Variants in CTIF observed in about 807,000 individuals in gnomAD.
CTIF encodes the protein cap binding complex dependent translation initiation factor.
Under a neutral mutation model 66.0 loss-of-function variants are expected in CTIF, and 21 were observed. The ratio of observed to expected loss-of-function variants is 0.32; its 90% CI spans 0.23 to 0.46. The LOEUF is 0.46. Ranked by LOEUF, CTIF falls within the 20% of genes least tolerant of loss-of-function variation. The probability of loss-of-function intolerance (pLI) is 1.00; values close to 1 mark genes in which losing one functional copy is unlikely to be tolerated. For missense variants in CTIF, 739 were observed against 812.7 expected (o/e 0.91, Z 1.10); for synonymous variants, 345 against 326.4 (o/e 1.06, Z -0.62).
At chr18:48,725,813 T>C (rs568496423) in intron 7 of CTIF, among the ~76,000 whole-genome samples, 2 of 152,254 alleles carry the variant, frequency 1.3e-5, no homozygotes, top group South Asian at 4.1e-4. Context: ...TCAAGGCAGA[T>C]TTTTTTGCTC....
intron 2 of CTIF, among the ~76,000 whole-genome samples, chr18:48,627,994 G>A (rs917051978): frequency 1.3e-5 from 2 of 152,142 alleles, no homozygotes; most frequent in Admixed American, 6.5e-5. Context: ...CCAGGAAGCC[G>A]TCTCCTTGCT....
intron 3 of CTIF, among the ~76,000 whole-genome samples, chr18:48,645,959 ACT>A (rs2091023376): frequency 6.6e-6 from 1 of 152,116 alleles, no homozygotes; most frequent in African/African-American, 2.4e-5. Context: ...TTTAAATATG[ACT>A]CTCTCATGAG....
chr18:48,561,134 G>T (rs1485715729), intron 1 of CTIF, among the ~76,000 whole-genome samples: 1 of 151,544 alleles, frequency 6.6e-6, no homozygotes, highest in Admixed American at 6.6e-5. Flanking sequence ...AGCTACATGG[G>T]AGGCTGAGGC....
At chr18:48,760,311 C>T (rs756917574) in intron 8 of CTIF, 3 of 152,132 alleles carry the variant, frequency 2.0e-5, no homozygotes, top group Non-Finnish European at 4.4e-5. Context: ...CCTCAGCCTC[C>T]TGAGTGTTTG....
At chr18:48,732,199 G>A (rs2092462850) in intron 7 of CTIF, among the ~76,000 whole-genome samples, 1 of 152,218 alleles carries the variant, frequency 6.6e-6, no homozygotes, top group African/African-American at 2.4e-5. Flanking sequence ...CATTCCCTGG[G>A]GTACGTTTTG....
chr18:48,659,965 G>T (rs1031250294), intron 3 of CTIF, among the ~76,000 whole-genome samples: 3 of 151,992 alleles, frequency 2.0e-5, no homozygotes, highest in African/African-American at 7.3e-5. Flanking sequence ...GGAGTTGTGG[G>T]GATTCAATGA....
At chr18:48,581,010 G>A (rs1032425870) in intron 1 of CTIF, among the ~76,000 whole-genome samples, 4 of 152,202 alleles carry the variant, frequency 2.6e-5, no homozygotes, top group South Asian at 2.1e-4. Flanking sequence ...AGTACTGCCC[G>A]GGGGCTGTCT....
Position 48,670,691 on chromosome 18 carries a change from G to A in CTIF, c.454G>A (p.Asp152Asn). The change falls in exon 6 of 12, where the codon GAT becomes AAT. Residue 152 changes from aspartate to asparagine, a missense_variant. Physicochemically the swap from Asp to Asn is conservative, Grantham distance 23. Coordinates refer to ENST00000256413, the MANE Select transcript of CTIF (RefSeq NM_014772.3). ...REGCGKGKLE[D>N]GDGINLNDIE... ...CAGGTGTGGCAAAGGGAAGCTGGAA[G>A]ATGGGGATGGCATCAACCTGAATGA... 6.2e-7 allele frequency: 1 copy of A among 1,614,146 alleles called. No individual in the cohort carries two copies. Among genetic ancestry groups the A allele is most frequent in the East Asian group, 2.2e-5 (1 of 44,888 alleles).
rs565810217 is a variant in CTIF at position 48,772,216 on chromosome 18, A to G, written c.1371+10527A>G. Among the ~76,000 whole-genome samples the G allele has an allele frequency of 2.0e-5, 3 of 152,308 alleles. No homozygotes were observed. The South Asian group carries it at 6.2e-4, about 32-fold the overall frequency. On this transcript the variant is annotated intron_variant, in intron 9 of 11. Coordinates refer to ENST00000256413, the MANE Select transcript of CTIF (RefSeq NM_014772.3). ...TGCCCCAGTATTATAGCAAGAAGAG[A>G]GCTAAACCTAGCGGGAGGGAGTGGC...
In CTIF at chr18:48,639,513, C is replaced by T. The variant is rs547449505; in HGVS notation, c.252+2828C>T. Reference sequence around the variant, plus strand: ...GGAGTTGCACCTCCTGGATGGATGGCCAAGGTTCAGACCTGGGTGCTGCAG... The same window carrying T: ...GGAGTTGCACCTCCTGGATGGATGGTCAAGGTTCAGACCTGGGTGCTGCAG... On this transcript the variant is annotated intron_variant, in intron 3 of 11. Transcript: ENST00000256413. 2.6e-5 allele frequency among the ~76,000 whole-genome samples: 4 copies of T among 152,210 alleles called. No homozygotes were observed. The South Asian group carries it at 8.3e-4, about 32-fold the overall frequency.
chr18:48,674,999 A>G (rs1789342090), intron 6 of CTIF, among the ~76,000 whole-genome samples: 2 of 131,900 alleles, frequency 1.5e-5, no homozygotes, highest in South Asian at 2.6e-4. Flanking sequence ...GCCTCAGGCC[A>G]GTTGAGACTG....
chr18:48,713,576 G>A (rs2092250721), intron 7 of CTIF, among the ~76,000 whole-genome samples: 1 of 152,130 alleles, frequency 6.6e-6, no homozygotes, highest in Admixed American at 6.5e-5. Flanking sequence ...CCTCCCAAAG[G>A]ATGTGGACGG....
At chr18:48,699,755 C>A (rs1359909755) in intron 6 of CTIF, among the ~76,000 whole-genome samples, 2 of 152,180 alleles carry the variant, frequency 1.3e-5, no homozygotes, top group African/African-American at 4.8e-5. Context: ...TCGTAACGGT[C>A]CTCTGATATG....
intron 10 of CTIF, among the ~76,000 whole-genome samples, chr18:48,849,003 A>C (rs1256917770): frequency 6.6e-6 from 1 of 152,114 alleles, no homozygotes; most frequent in African/African-American, 2.4e-5. Context: ...TGCCTGCCCC[A>C]GCCCGCCCAC....
At chr18:48,754,983 C>G (rs908549528) in intron 7 of CTIF, among the ~76,000 whole-genome samples, 1 of 152,106 alleles carries the variant, frequency 6.6e-6, no homozygotes, top group African/African-American at 2.4e-5. Context: ...GTTTTCTTTT[C>G]TGGGGGTGGA....
At chr18:48,792,713 T>A in intron 9 of CTIF, among the ~76,000 whole-genome samples, 1 of 152,062 alleles carries the variant, frequency 6.6e-6, no homozygotes, top group South Asian at 2.1e-4. Flanking sequence ...TGCAAAAGAA[T>A]GTTGGGGTCA....
At chr18:48,745,978 C>T (rs2092592973) in intron 7 of CTIF, among the ~76,000 whole-genome samples, 2 of 152,228 alleles carry the variant, frequency 1.3e-5, no homozygotes, top group African/African-American at 2.4e-5. Context: ...GGAAAAACAG[C>T]CCTTCAGGGA....
Position 48,663,644 on chromosome 18 carries a change from T to G in CTIF, c.253-108T>G, listed in dbSNP as rs2091384215. ...TGACTGGGTGCACCAGCCACCATAC[T>G]CACTTGGGGGCTCACTCCAGCCCCC... is the stretch of plus-strand genomic sequence containing the variant. On this transcript the variant is annotated intron_variant, in intron 3 of 11. Transcript: ENST00000256413. 5.2e-6 allele frequency: 5 copies of G among 964,992 alleles called. No individual in the cohort carries two copies. The East Asian group carries it at 9.6e-5, about 19-fold the overall frequency. The allele number at this position is 964,992 out of a possible 1,614,324, so 59.8% of individuals were successfully genotyped here.
At chr18:48,746,636 C>T (rs115922490) in intron 7 of CTIF, among the ~76,000 whole-genome samples, 1 of 151,916 alleles carries the variant, frequency 6.6e-6, no homozygotes, top group Non-Finnish European at 1.5e-5. Context: ...ATGATAGTCA[C>T]GGCCACATAG....
Sources: gnomAD v4.1 joint callset for allele counts (sites outside exome capture counted in the v4.1 genomes callset) on GRCh38, gnomAD v4.1.1 for gene constraint, MANE v1.5 for transcripts, NCBI Gene and HGNC (gene_info 2026-07-23, HGNC 2026-07-21) for gene names.